Variants in ABLIM1 observed in about 807,000 individuals in gnomAD.
ABLIM1 encodes the protein actin-binding LIM protein 1.
In ABLIM1, 40 loss-of-function variants were observed where a neutral mutation model predicts 107.0. That is an observed-to-expected ratio of 0.37 (90% CI 0.29 to 0.49). The LOEUF (loss-of-function observed/expected upper bound fraction) is 0.49, where lower values mean the gene tolerates loss of function less well. ABLIM1 is among the 20% of genes least tolerant of loss of function. The probability of loss-of-function intolerance (pLI) is 0.97; values close to 1 mark genes in which losing one functional copy is unlikely to be tolerated. For synonymous variants in ABLIM1, 357 were observed against 357.3 expected, an observed-to-expected ratio of 1.00 and a Z score of 0.01; for missense variants, 857 against 1,008.5, an observed-to-expected ratio of 0.85 and a Z score of 2.04.
At chr10:114,679,048 C>CT (rs2141526187) in intron 1 of ABLIM1, among the ~76,000 whole-genome samples, 1 of 152,194 alleles carries the variant, frequency 6.6e-6, no homozygotes, top group South Asian at 2.1e-4. Context: ...ACTCATCTGG[C>CT]TTATAGAATA....
At chr10:114,545,605 A>G (rs2067222583) in intron 5 of ABLIM1, among the ~76,000 whole-genome samples, 2 of 152,188 alleles carry the variant, frequency 1.3e-5, no homozygotes, top group Admixed American at 1.3e-4. Context: ...AAATATTGTT[A>G]ATGTATATAA....
the ABLIM1 span, among the ~76,000 whole-genome samples, chr10:114,795,190 T>C: frequency 1.3e-5 from 2 of 152,132 alleles, no homozygotes; most frequent in African/African-American, 4.8e-5. Flanking sequence ...ATACAAATGG[T>C]AGCGTCTATG....
chr10:114,465,074 T>A (rs893364314), intron 12 of ABLIM1, among the ~76,000 whole-genome samples: 1 of 152,198 alleles, frequency 6.6e-6, no homozygotes, highest in Non-Finnish European at 1.5e-5. Context: ...TGCCTAATAA[T>A]TGTATGTTTT....
chr10:114,658,109 C>T lies in ABLIM1; in HGVS notation c.92G>A (p.Gly31Asp), dbSNP rs771839558. The T allele has an allele frequency of 1.2e-6, 2 of 1,614,072 alleles. No individual in the cohort carries two copies. The highest frequency in any genetic ancestry group is 1.7e-6 in the Non-Finnish European group (2 of 1,180,024). ...VTSSERTSARGSNRKRLIVED... is the reference protein window; with the variant it reads ...VTSSERTSARDSNRKRLIVED... Reference sequence around the variant, plus strand: ...AACAATCAGTCTCTTTCTGTTCGAGCCCCTGGCACTGGTTCTCTCAGATGA... The same window carrying T: ...AACAATCAGTCTCTTTCTGTTCGAGTCCCTGGCACTGGTTCTCTCAGATGA... The change falls in exon 1 of 23, where the codon GGC (glycine) becomes GAC (aspartate). Residue 31 changes from glycine to aspartate, a missense_variant. This residue lies in a region of ABLIM1 where 176 missense variants were observed against 173.5 expected (regional missense o/e 1.01). Coordinates refer to ENST00000533213, the MANE Select transcript of ABLIM1 (RefSeq NM_002313.7).
At chr10:114,745,861 C>T (rs1467392953) in intron 1 of ABLIM1, among the ~76,000 whole-genome samples, 1 of 152,056 alleles carries the variant, frequency 6.6e-6, no homozygotes, top group Admixed American at 6.6e-5. Flanking sequence ...TTCCTAAGCA[C>T]CAGAAATACA....
intron 8 of ABLIM1, among the ~76,000 whole-genome samples, chr10:114,478,882 T>A (rs2056895934): frequency 6.6e-6 from 1 of 152,222 alleles, no homozygotes; most frequent in Non-Finnish European, 1.5e-5. Flanking sequence ...TTGAGTTGCA[T>A]TCTTGCTTGC....
At chr10:114,472,953 T>G (rs1429893942) in intron 10 of ABLIM1, 24 bp downstream of exon 10, 1 of 1,528,510 alleles carries the variant, frequency 6.5e-7, no homozygotes, top group South Asian at 1.3e-5. Context: ...GTTGTACAAC[T>G]CACAACCAGT....
chr10:114,759,407 G>A (rs963124489), intron 1 of ABLIM1, among the ~76,000 whole-genome samples: 1 of 152,068 alleles, frequency 6.6e-6, no homozygotes, highest in African/African-American at 2.4e-5. Context: ...TGATAATGAA[G>A]GTCCCAAAGG....
intron 6 of ABLIM1, among the ~76,000 whole-genome samples, chr10:114,513,244 GA>G (rs2062207013): frequency 7.0e-6 from 1 of 142,190 alleles, no homozygotes; most frequent in Non-Finnish European, 1.5e-5. Flanking sequence ...AATTTAGAAA[GA>G]AATGTGATGA....
In ABLIM1 at chr10:114,447,983, G is replaced by T. The variant is rs759037324; in HGVS notation, c.1632C>A (p.Ile544=). 1 of 1,614,130 alleles carries T rather than the reference G, an allele frequency of 6.2e-7. No individual in the cohort carries two copies. The highest frequency in any genetic ancestry group is 1.3e-5 in the African/African-American group (1 of 75,018). ...CTGCTGGGAACTTGGAAAACTTGAT[G>T]ATATCTTCTGAGGACTTGCTCTGGG... ...LAAQSKSSED[I]IKFSKFPAAQ... is the part of the protein sequence containing the mutation. Residue 544 remains isoleucine, a synonymous_variant, in exon 15 of 23, where the codon ATC becomes ATA. Coordinates refer to ENST00000533213, the MANE Select transcript of ABLIM1 (RefSeq NM_002313.7).
At chr10:114,542,247 C>CA (rs11423150) in intron 6 of ABLIM1, among the ~76,000 whole-genome samples, 2,366 of 151,494 alleles carry the variant, frequency 0.016, 80 homozygotes, top group African/African-American at 0.055. Flanking sequence ...CCGTTCTTTA[C>CA]AAAAAATAAC....
At chr10:114,648,910 C>T (rs1261673348) in intron 1 of ABLIM1, among the ~76,000 whole-genome samples, 1 of 151,858 alleles carries the variant, frequency 6.6e-6, no homozygotes, top group Non-Finnish European at 1.5e-5. Context: ...AGAGACTCCA[C>T]AGGAAAGTTT....
intron 1 of ABLIM1, among the ~76,000 whole-genome samples, chr10:114,764,487 G>A (rs1243187338): frequency 6.6e-6 from 1 of 151,994 alleles, no homozygotes; most frequent in Non-Finnish European, 1.5e-5. Context: ...GATTACAGGC[G>A]TGTGCCACCA....
intron 8 of ABLIM1, among the ~76,000 whole-genome samples, chr10:114,484,092 T>C (rs748095984): frequency 6.6e-6 from 1 of 152,214 alleles, no homozygotes; most frequent in Non-Finnish European, 1.5e-5. Flanking sequence ...CTCCTTCTTC[T>C]GCTTCTTTCG....
intron 1 of ABLIM1, among the ~76,000 whole-genome samples, chr10:114,677,647 C>A (rs548082842): frequency 5.9e-5 from 9 of 152,254 alleles, no homozygotes; most frequent in Non-Finnish European, 1.0e-4. Context: ...TGGTGGCATG[C>A]GCCTGTAATT....
At chr10:114,773,749 T>C in the ABLIM1 span, among the ~76,000 whole-genome samples, 5 of 151,844 alleles carry the variant, frequency 3.3e-5, no homozygotes, top group Non-Finnish European at 5.9e-5. Flanking sequence ...ACAAAAAAAT[T>C]GCATGAACAG....
chr10:114,667,376 T>C (rs1030893273), intron 1 of ABLIM1, among the ~76,000 whole-genome samples: 3 of 152,238 alleles, frequency 2.0e-5, no homozygotes, highest in African/African-American at 2.4e-5. Flanking sequence ...TAATAACAAA[T>C]ACAAGAGCAT....
At chr10:114,480,310 T>TA (rs201682168) in intron 8 of ABLIM1, among the ~76,000 whole-genome samples, 73 of 151,940 alleles carry the variant, frequency 4.8e-4, no homozygotes, top group East Asian at 1.5e-3. Context: ...AGAGTTACAG[T>TA]AAAAAAAAAT....
chr10:114,700,426 T>G (rs551744407), intron 1 of ABLIM1, among the ~76,000 whole-genome samples: 3 of 152,072 alleles, frequency 2.0e-5, no homozygotes, highest in South Asian at 2.1e-4. Flanking sequence ...TAGATAAAAG[T>G]TGACAAACTG....
Sources: allele counts gnomAD v4.1 joint callset (sites outside exome capture counted in the v4.1 genomes callset), GRCh38; gene constraint gnomAD v4.1.1; regional missense constraint gnomAD v4.1.1; transcripts MANE v1.5; gene names NCBI Gene and HGNC (gene_info 2026-07-23, HGNC 2026-07-21).